ABCC1: variants seen among roughly 807,000 people sequenced by gnomAD.
The protein encoded by ABCC1 is ATP binding cassette subfamily C member 1 (ABCC1 blood group), also known as multidrug resistance-associated protein 1.
ABCC1 carries 83 observed loss-of-function variants against 172.9 expected under a neutral mutation model. That is an observed-to-expected ratio of 0.48 (90% CI 0.40 to 0.58). ABCC1 has a LOEUF of 0.58. Ranked by LOEUF, ABCC1 falls within the 20% of genes least tolerant of loss-of-function variation. The pLI, the probability that ABCC1 is intolerant of heterozygous loss-of-function variation, is 0.00. For missense variants in ABCC1, 1,817 were observed against 2,002.7 expected, an observed-to-expected ratio of 0.91 and a Z score of 1.77; for synonymous variants, 937 against 825.2, an observed-to-expected ratio of 1.14 and a Z score of -2.32.
chr16:16,006,095 TAAC>T (rs1249691213), intron 1 of ABCC1, among the ~76,000 whole-genome samples: 1 of 151,964 alleles, frequency 6.6e-6, no homozygotes, highest in African/African-American at 2.4e-5. Flanking sequence ...ACAACAGCAA[TAAC>T]AACAAGCCAT....
intron 19 of ABCC1, among the ~76,000 whole-genome samples, chr16:16,097,297 G>T (rs1403565370): frequency 6.6e-6 from 1 of 152,134 alleles, no homozygotes; most frequent in Non-Finnish European, 1.5e-5. Context: ...ATTTTTAGTA[G>T]AGACGGCGTT....
rs536146025 is a variant in ABCC1 at position 16,054,095 on chromosome 16, C to T, written c.1473+1279C>T. 3.2e-4 allele frequency among the ~76,000 whole-genome samples: 49 copies of T among 152,138 alleles called. No homozygotes were observed. The South Asian group carries it at 7.3e-3, about 23-fold the overall frequency. On this transcript the variant is annotated intron_variant, in intron 11 of 30. Transcript: ENST00000399410. ...GTTCAAGTAGTTCTCCTGCCTCAGCCTCCCGAGCAGCTGGGATTACAGGTG... is the reference window on the plus strand; with the variant it reads ...GTTCAAGTAGTTCTCCTGCCTCAGCTTCCCGAGCAGCTGGGATTACAGGTG...
intron 23 of ABCC1, among the ~76,000 whole-genome samples, chr16:16,120,243 G>A (rs899385129): frequency 6.6e-6 from 1 of 152,142 alleles, no homozygotes; most frequent in African/African-American, 2.4e-5. Context: ...GCAACCCTTT[G>A]TTAGTTTTCC....
At chr16:15,974,461 CT>C (rs1274910119) in intron 1 of ABCC1, among the ~76,000 whole-genome samples, 1 of 152,118 alleles carries the variant, frequency 6.6e-6, no homozygotes, top group Non-Finnish European at 1.5e-5. Context: ...TGCCTGTCTC[CT>C]TGAGTTGGCG....
At chr16:16,009,140 G>C (rs929040836) in intron 2 of ABCC1, among the ~76,000 whole-genome samples, 2 of 151,806 alleles carry the variant, frequency 1.3e-5, no homozygotes, top group African/African-American at 4.8e-5. Flanking sequence ...ACAATTTTTT[G>C]TAGAGACAGG....
At chr16:16,124,339 GT>G in intron 24 of ABCC1, among the ~76,000 whole-genome samples, 1 of 134,582 alleles carries the variant, frequency 7.4e-6, no homozygotes, top group Non-Finnish European at 1.6e-5. Flanking sequence ...GTGTGTGTGT[GT>G]GTGTGTGTGA....
intron 1 of ABCC1, among the ~76,000 whole-genome samples, chr16:15,973,555 C>T (rs1303072517): frequency 5.3e-5 from 8 of 152,130 alleles, no homozygotes; most frequent in Non-Finnish European, 1.2e-4. Context: ...GGTAATGCTG[C>T]AATATGTCCA....
chr16:16,082,071 C>G (rs2050825613), intron 16 of ABCC1, among the ~76,000 whole-genome samples: 1 of 152,180 alleles, frequency 6.6e-6, no homozygotes, highest in South Asian at 2.1e-4. Context: ...ATGCTCCCCA[C>G]CAAGTATAGG....
upstream of ABCC1, chr16:15,949,611 G>GCGCCGCCGCCGCCGGCGCCGCCGCCGC (rs2045810967): frequency 6.1e-6 from 1 of 163,454 alleles, no homozygotes; most frequent in South Asian, 1.8e-4. Flanking sequence ...CCGGCTCCCT[G>GCGCCGCCGCCGCCGGCGCCGCCGCCGC]CGCCGCCGCC....
At chr16:16,100,385 G>A (rs1185426312) in intron 19 of ABCC1, among the ~76,000 whole-genome samples, 3 of 152,102 alleles carry the variant, frequency 2.0e-5, no homozygotes, top group Non-Finnish European at 2.9e-5. Flanking sequence ...TCTGCGGCAT[G>A]CAGCCTCCAG....
At chr16:16,010,966 G>A (rs995188986) in intron 3 of ABCC1, among the ~76,000 whole-genome samples, 1 of 152,210 alleles carries the variant, frequency 6.6e-6, no homozygotes, top group African/African-American at 2.4e-5. Flanking sequence ...GGGCATCGTG[G>A]CTCATGCCTG....
chr16:15,980,737 T>G (rs1381007759), intron 1 of ABCC1, among the ~76,000 whole-genome samples: 1 of 152,104 alleles, frequency 6.6e-6, no homozygotes, highest in Non-Finnish European at 1.5e-5. Flanking sequence ...GTTCTGCCCC[T>G]CCCAAATCTC....
chr16:15,957,816 T>G (rs2046032038), intron 1 of ABCC1, among the ~76,000 whole-genome samples: 1 of 152,170 alleles, frequency 6.6e-6, no homozygotes, highest in Non-Finnish European at 1.5e-5. Flanking sequence ...ATGGCCTCGA[T>G]CTCTTGACCT....
chr16:16,095,832 C>T (rs575569849), intron 19 of ABCC1, among the ~76,000 whole-genome samples: 11 of 152,156 alleles, frequency 7.2e-5, no homozygotes, highest in Middle Eastern at 3.4e-3. Flanking sequence ...GCACCTGGCC[C>T]GTGGCCATTT....
At chr16:15,984,339 G>A (rs1174306957) in intron 1 of ABCC1, among the ~76,000 whole-genome samples, 6 of 152,204 alleles carry the variant, frequency 3.9e-5, no homozygotes, top group Middle Eastern at 3.4e-3. Flanking sequence ...TAAGAATTAC[G>A]TAGTTGTATT....
intron 1 of ABCC1, among the ~76,000 whole-genome samples, chr16:15,955,937 G>T (rs1369470922): frequency 1.3e-5 from 2 of 152,158 alleles, no homozygotes; most frequent in Non-Finnish European, 2.9e-5. Context: ...GGTTAGGAGT[G>T]CTGATGCCCC....
rs61396501 is a variant in ABCC1 at position 15,984,448 on chromosome 16, C to CGTTTTTTTTTTTTTTT, written c.49-23368_49-23367insGTTTTTTTTTTTTTTT. On this transcript the variant is annotated intron_variant, in intron 1 of 30. Coordinates refer to ENST00000399410, the MANE Select transcript of ABCC1 (RefSeq NM_004996.4). ...TTTTTATTGTTTACCTTGATATATA[C>CGTTTTTTTTTTTTTTT]TTTTTTTTTTTTTGAGATAGAGTCT... Among the ~76,000 whole-genome samples, 2 of 146,950 alleles carry CGTTTTTTTTTTTTTTT rather than the reference C, an allele frequency of 1.4e-5. 1 individual carries two copies. Among genetic ancestry groups the CGTTTTTTTTTTTTTTT allele is most frequent in the Non-Finnish European group, 3.0e-5 (2 of 66,862 alleles).
intron 2 of ABCC1, among the ~76,000 whole-genome samples, chr16:16,009,428 G>A (rs564504343): frequency 4.6e-5 from 7 of 152,280 alleles, no homozygotes; most frequent in African/African-American, 1.2e-4. Context: ...AATGGTTGTC[G>A]TGGAGGGCTT....
intron 19 of ABCC1, among the ~76,000 whole-genome samples, chr16:16,097,248 G>A (rs1165629104): frequency 6.6e-6 from 1 of 152,188 alleles, no homozygotes; most frequent in Non-Finnish European, 1.5e-5. Context: ...AAGTAGCTGG[G>A]ATTACGGATG....
Sources: allele counts gnomAD v4.1 joint callset (sites outside exome capture counted in the v4.1 genomes callset), GRCh38; gene constraint gnomAD v4.1.1; transcripts MANE v1.5; gene names NCBI Gene and HGNC (gene_info 2026-07-23, HGNC 2026-07-21).